The following FHIT variants were observed in gnomAD, a reference collection of about 807,000 sequenced individuals.
FHIT encodes the protein bis(5'-adenosyl)-triphosphatase.
In FHIT, 19 loss-of-function variants were observed where a neutral mutation model predicts 17.9. That is an observed-to-expected ratio of 1.06 (90% CI 0.74 to 1.56). FHIT has a LOEUF of 1.56. Ranked by LOEUF, FHIT falls within the 40% of genes most tolerant of loss-of-function variation. FHIT has a pLI of 0.00. For synonymous variants in FHIT, 81 were observed against 69.7 expected (o/e 1.16, Z -0.81); for missense variants, 248 against 189.2 (o/e 1.31, Z -1.82).
At chr3:60,004,381 A>G (rs1699843285) in intron 7 of FHIT, among the ~76,000 whole-genome samples, 1 of 152,128 alleles carries the variant, frequency 6.6e-6, no homozygotes, top group African/African-American at 2.4e-5. Context: ...TACTGAGGGG[A>G]TTTGTTTGGT....
At chr3:60,588,368 A>T (rs1458145397) in intron 4 of FHIT, among the ~76,000 whole-genome samples, 1 of 152,102 alleles carries the variant, frequency 6.6e-6, no homozygotes, top group Non-Finnish European at 1.5e-5. Context: ...AATGACTGAA[A>T]TCTAAGTACG....
At chr3:60,830,587 C>G (rs1575577035) in intron 3 of FHIT, among the ~76,000 whole-genome samples, 1 of 152,062 alleles carries the variant, frequency 6.6e-6, no homozygotes, top group Non-Finnish European at 1.5e-5. Flanking sequence ...TACTTTATGA[C>G]AAAATGGAAA....
chr3:60,638,194 C>T (rs2039637474), intron 4 of FHIT, among the ~76,000 whole-genome samples: 1 of 152,150 alleles, frequency 6.6e-6, no homozygotes, highest in Admixed American at 6.5e-5. Flanking sequence ...CCTGCCTTTC[C>T]TGTATGGACA....
intron 8 of FHIT, among the ~76,000 whole-genome samples, chr3:59,795,708 C>A (rs1251062073): frequency 6.6e-6 from 1 of 152,036 alleles, no homozygotes; most frequent in Admixed American, 6.6e-5. Context: ...GCCTGGGCAA[C>A]AGAGCAAAAC....
At chr3:61,226,641 T>C (rs1459034158) in intron 1 of FHIT, among the ~76,000 whole-genome samples, 1 of 152,004 alleles carries the variant, frequency 6.6e-6, no homozygotes, top group Non-Finnish European at 1.5e-5. Context: ...TTCTTTCTAC[T>C]TCAGTAATTT....
intron 2 of FHIT, among the ~76,000 whole-genome samples, chr3:61,092,222 G>A (rs2035507952): frequency 6.6e-6 from 1 of 152,048 alleles, no homozygotes; most frequent in Non-Finnish European, 1.5e-5. Flanking sequence ...GTGTTTGGTG[G>A]AGAAGGCTAT....
intron 1 of FHIT, among the ~76,000 whole-genome samples, chr3:61,225,695 G>C (rs762859901): frequency 1.3e-5 from 2 of 152,218 alleles, no homozygotes; most frequent in Non-Finnish European, 2.9e-5. Flanking sequence ...GTGGAAGTTA[G>C]AGTACTTTAG....
At chr3:61,086,992 T>C (rs1415594750) in intron 2 of FHIT, among the ~76,000 whole-genome samples, 2 of 152,242 alleles carry the variant, frequency 1.3e-5, no homozygotes, top group East Asian at 1.9e-4. Context: ...TCTAATCCCA[T>C]TGGGTTAATT....
At chr3:61,069,976 A>T (rs944322078) in intron 2 of FHIT, among the ~76,000 whole-genome samples, 1 of 152,102 alleles carries the variant, frequency 6.6e-6, no homozygotes, top group Non-Finnish European at 1.5e-5. Context: ...CAGTGGTGCG[A>T]TCTCGGCTCA....
chr3:60,106,201 A>G (rs1326296384), intron 5 of FHIT, among the ~76,000 whole-genome samples: 1 of 152,194 alleles, frequency 6.6e-6, no homozygotes, highest in Non-Finnish European at 1.5e-5. Flanking sequence ...CTCTTCTCTT[A>G]CTTAACGATA....
chr3:60,517,127 A>G (rs1013794126), intron 5 of FHIT, among the ~76,000 whole-genome samples: 12 of 152,204 alleles, frequency 7.9e-5, no homozygotes, highest in Non-Finnish European at 1.8e-4. Context: ...CTTAATGACA[A>G]AAAGTGGGTG....
chr3:61,082,216 G>C (rs1428476851), intron 2 of FHIT, among the ~76,000 whole-genome samples: 2 of 152,054 alleles, frequency 1.3e-5, no homozygotes, highest in African/African-American at 4.8e-5. Context: ...CATCATCCTA[G>C]AAGCACATTT....
intron 3 of FHIT, among the ~76,000 whole-genome samples, chr3:60,941,828 C>T (rs895410561): frequency 6.6e-6 from 1 of 152,120 alleles, no homozygotes; most frequent in African/African-American, 2.4e-5. Flanking sequence ...TCTGTTCCAC[C>T]TTCTAGCCTG....
At chr3:59,842,617 G>A (rs1332837672) in intron 8 of FHIT, among the ~76,000 whole-genome samples, 2 of 152,114 alleles carry the variant, frequency 1.3e-5, no homozygotes, top group Admixed American at 1.3e-4. Context: ...TGGGTATGCA[G>A]TGATATCTCA....
At chr3:59,991,006 C>T (rs768829630) in intron 7 of FHIT, among the ~76,000 whole-genome samples, 1 of 152,022 alleles carries the variant, frequency 6.6e-6, no homozygotes, top group Non-Finnish European at 1.5e-5. Context: ...AGACAACATT[C>T]CTTCCGTGAG....
At chr3:60,021,906 G>A (rs1486047730) in intron 5 of FHIT, among the ~76,000 whole-genome samples, 5 of 152,040 alleles carry the variant, frequency 3.3e-5, no homozygotes, top group Non-Finnish European at 5.9e-5. Context: ...AAAACTGTGC[G>A]GTCAAAGAAG....
At chr3:60,724,259 C>G (rs782177758) in intron 4 of FHIT, among the ~76,000 whole-genome samples, 4 of 152,190 alleles carry the variant, frequency 2.6e-5, no homozygotes, top group Non-Finnish European at 4.4e-5. Flanking sequence ...TGGCTTCTTT[C>G]ACTTACCAAA....
At chr3:60,440,514 T>C (rs188058178) in intron 5 of FHIT, among the ~76,000 whole-genome samples, 5 of 152,252 alleles carry the variant, frequency 3.3e-5, no homozygotes, top group African/African-American at 7.2e-5. Flanking sequence ...TAACTTTACC[T>C]GCACTATCAT....
At chr3:60,206,856 C>T (rs1460508647) in intron 5 of FHIT, among the ~76,000 whole-genome samples, 2 of 151,994 alleles carry the variant, frequency 1.3e-5, no homozygotes, top group Admixed American at 6.6e-5. Flanking sequence ...GTCCACTGTA[C>T]TTTTTAGTTC....
Sources: allele counts gnomAD v4.1 joint callset (sites outside exome capture counted in the v4.1 genomes callset), GRCh38; gene constraint gnomAD v4.1.1; transcripts MANE v1.5; gene names NCBI Gene and HGNC (gene_info 2026-07-23, HGNC 2026-07-21).